NUAK1: variants seen among roughly 807,000 people sequenced by gnomAD.
NUAK1 encodes the protein NUAK family kinase 1.
A neutral mutation model predicts 56.9 loss-of-function variants in NUAK1; 26 were observed. The ratio of observed to expected loss-of-function variants is 0.46; its 90% confidence interval spans 0.33 to 0.63. The LOEUF is 0.63. Among genes scored for constraint, NUAK1 ranks in the 30% least tolerant of loss-of-function variants. The probability of loss-of-function intolerance (pLI) is 0.02; values close to 1 mark genes in which losing one functional copy is unlikely to be tolerated. For synonymous variants in NUAK1, 337 were observed against 336.0 expected (o/e 1.00, Z -0.03); for missense variants, 727 against 876.1 (o/e 0.83, Z 2.15).
chr12:106,083,058 G>A (rs1052961363), intron 4 of NUAK1, among the ~76,000 whole-genome samples: 2 of 152,184 alleles, frequency 1.3e-5, no homozygotes, highest in African/African-American at 4.8e-5. Flanking sequence ...TCCCTGGGAG[G>A]CACTTGAACC....
rs2032342767 is a variant in NUAK1 at position 106,066,748 on chromosome 12, T to C, written c.*54A>G. 7.1e-7 allele frequency: 1 copy of C among 1,404,172 alleles called. No homozygotes were observed. Among genetic ancestry groups the C allele is most frequent in the South Asian group, 1.3e-5 (1 of 78,032 alleles). 87.0% of individuals were successfully genotyped at this position (1,404,172 alleles called of 1,614,324 possible). A position where few individuals can be genotyped will look rare whatever the true frequency, so the allele number is the denominator to read the frequency against. ...GAGGTAACCAGCCTGTGAGCCCAAG[T>C]CTTGCTCCCCTTCCTCCCTCGTACC... On this transcript the variant is annotated 3_prime_UTR_variant, in exon 7 of 7. Coordinates refer to ENST00000261402, the MANE Select transcript of NUAK1 (RefSeq NM_014840.3).
chr12:106,113,350 A>G (rs565180355), intron 1 of NUAK1, among the ~76,000 whole-genome samples: 86 of 152,342 alleles, frequency 5.6e-4, no homozygotes, highest in African/African-American at 2.0e-3. Flanking sequence ...AAAGTGAGCC[A>G]CAAACCCGCC....
At chr12:106,137,622 A>G (rs978056259) in intron 1 of NUAK1, among the ~76,000 whole-genome samples, 10 of 152,220 alleles carry the variant, frequency 6.6e-5, no homozygotes, top group Admixed American at 5.2e-4. Flanking sequence ...GAGCTGTGCA[A>G]ATGGTGCCAG....
intron 3 of NUAK1, among the ~76,000 whole-genome samples, chr12:106,086,237 A>C (rs2032569490): frequency 6.6e-6 from 1 of 152,184 alleles, no homozygotes; most frequent in Non-Finnish European, 1.5e-5. Flanking sequence ...AAGAATTTTT[A>C]ATAATATAGG....
chr12:106,093,450 T>C (rs1355503521), intron 2 of NUAK1, among the ~76,000 whole-genome samples: 1 of 152,258 alleles, frequency 6.6e-6, no homozygotes, highest in African/African-American at 2.4e-5. Context: ...AGTCCCGTTC[T>C]GCCCTCTGAT....
chr12:106,134,020 G>C (rs1467389325), intron 1 of NUAK1, among the ~76,000 whole-genome samples: 1 of 152,202 alleles, frequency 6.6e-6, no homozygotes, highest in Non-Finnish European at 1.5e-5. Flanking sequence ...CTTTAAGAGT[G>C]AGGCCCATGT....
At chr12:106,128,599 G>C (rs1216829158) in intron 1 of NUAK1, among the ~76,000 whole-genome samples, 1 of 152,226 alleles carries the variant, frequency 6.6e-6, no homozygotes, top group African/African-American at 2.4e-5. Context: ...CTGCAATCAA[G>C]CACCTTTGTG....
intron 1 of NUAK1, among the ~76,000 whole-genome samples, chr12:106,132,457 C>A (rs151135734): frequency 1.3e-5 from 2 of 152,302 alleles, no homozygotes; most frequent in African/African-American, 4.8e-5. Flanking sequence ...CAGCGACAGA[C>A]AAGATACCTT....
chr12:106,087,216 G>A (rs2032581668), intron 2 of NUAK1, among the ~76,000 whole-genome samples: 1 of 152,178 alleles, frequency 6.6e-6, no homozygotes, highest in African/African-American at 2.4e-5. Context: ...AGGATGATGG[G>A]TAACAACAAA....
intron 2 of NUAK1, among the ~76,000 whole-genome samples, chr12:106,089,016 G>A (rs940750895): frequency 1.1e-4 from 17 of 152,330 alleles, no homozygotes; most frequent in African/African-American, 3.6e-4. Flanking sequence ...TGCTGGCCTC[G>A]GTGTACCCTG....
At chr12:106,080,177 T>C (rs1414655228) in intron 4 of NUAK1, among the ~76,000 whole-genome samples, 2 of 152,230 alleles carry the variant, frequency 1.3e-5, no homozygotes, top group Admixed American at 1.3e-4. Context: ...TATCTCATCT[T>C]GGCCCTGGCC....
chr12:106,109,026 A>G (rs1035883039), intron 1 of NUAK1, among the ~76,000 whole-genome samples: 8 of 152,122 alleles, frequency 5.3e-5, no homozygotes, highest in African/African-American at 1.9e-4. Flanking sequence ...TCCTACAATG[A>G]TTTTTCCACT....
chr12:106,079,678 T>C (rs2032497142), intron 4 of NUAK1, among the ~76,000 whole-genome samples: 1 of 152,242 alleles, frequency 6.6e-6, no homozygotes, highest in South Asian at 2.1e-4. Context: ...AGCAACTCTA[T>C]TCTTCATTCT....
At chr12:106,125,190 C>A (rs370563051) in intron 1 of NUAK1, among the ~76,000 whole-genome samples, 1 of 152,188 alleles carries the variant, frequency 6.6e-6, no homozygotes, top group Admixed American at 6.5e-5. Flanking sequence ...AGTCTCCCAA[C>A]ATACCTAGAC....
At chr12:106,109,087 G>T (rs2032833130) in intron 1 of NUAK1, among the ~76,000 whole-genome samples, 1 of 152,214 alleles carries the variant, frequency 6.6e-6, no homozygotes, top group South Asian at 2.1e-4. Context: ...AGGGGTGACA[G>T]GAAGTCAGGA....
chr12:106,099,067 G>A (rs936408633), intron 2 of NUAK1, among the ~76,000 whole-genome samples: 58 of 152,088 alleles, frequency 3.8e-4, no homozygotes, highest in African/African-American at 1.4e-3. Flanking sequence ...AAAAGTGTAC[G>A]TCTATCCTCT....
Position 106,138,340 on chromosome 12 carries a change from C to A in NUAK1, c.240+74G>T. The A allele has an allele frequency of 6.6e-7, 1 of 1,515,524 alleles. No individual in the cohort carries two copies. Among genetic ancestry groups the A allele is most frequent in the African/African-American group, 1.4e-5 (1 of 72,050 alleles). 93.9% of individuals were successfully genotyped at this position (1,515,524 alleles called of 1,614,324 possible). A position where few individuals can be genotyped will look rare whatever the true frequency, so the allele number is the denominator to read the frequency against. On this transcript the variant is annotated intron_variant, in intron 1 of 6. Coordinates refer to ENST00000261402, the MANE Select transcript of NUAK1 (RefSeq NM_014840.3). The surrounding 1 kb of genome is among the most constrained non-coding windows in gnomAD (Gnocchi z 5.0). ...AGAGAGCCCCAGGGCGCACAGACCC[C>A]CGCCTCGCACGCCCTCAGTCCCCGG...
intron 1 of NUAK1, among the ~76,000 whole-genome samples, chr12:106,130,961 G>A (rs1471035623): frequency 6.6e-6 from 1 of 152,182 alleles, no homozygotes; most frequent in Non-Finnish European, 1.5e-5. Flanking sequence ...CTAGCCCAAG[G>A]TCACACAGCT....
At chr12:106,074,789 G>T (rs951194680) in intron 4 of NUAK1, among the ~76,000 whole-genome samples, 11 of 152,056 alleles carry the variant, frequency 7.2e-5, no homozygotes, top group Non-Finnish European at 1.3e-4. Context: ...TGAATGAATG[G>T]AATGTCATTG....
Sources: allele counts gnomAD v4.1 joint callset (sites outside exome capture counted in the v4.1 genomes callset), GRCh38; gene constraint gnomAD v4.1.1; non-coding constraint Gnocchi (gnomAD v3.1); transcripts MANE v1.5; gene names NCBI Gene and HGNC (gene_info 2026-07-23, HGNC 2026-07-21).